ACTA2: variants seen among roughly 807,000 people sequenced by gnomAD.
The protein encoded by ACTA2 is actin alpha 2, smooth muscle.
Under a neutral mutation model 39.5 loss-of-function variants are expected in ACTA2, and 12 were observed. The ratio of observed to expected loss-of-function variants is 0.30; its 90% CI spans 0.19 to 0.49. The LOEUF is 0.49. Ranked by LOEUF, ACTA2 falls within the 20% of genes least tolerant of loss-of-function variation. ACTA2 has a pLI of 0.99. For missense variants in ACTA2, 236 were observed against 498.8 expected (o/e 0.47, Z 5.02); for synonymous variants, 158 against 180.6 (o/e 0.88, Z 1.00).
chr10:88,963,807 C>T (rs558246445), intron 1 of ACTA2, among the ~76,000 whole-genome samples: 1 of 152,236 alleles, frequency 6.6e-6, no homozygotes, highest in South Asian at 2.1e-4. Context: ...TGTAAAGAAC[C>T]AGGATGGGAT....
intron 1 of ACTA2, among the ~76,000 whole-genome samples, chr10:88,962,459 C>T (rs1350145254): frequency 1.3e-5 from 2 of 152,106 alleles, no homozygotes; most frequent in African/African-American, 2.4e-5. Context: ...AGGAGATAGT[C>T]TCAGTTAGGA....
chr10:88,974,417 T>A (rs1352029380), intron 1 of ACTA2: 1 of 152,220 alleles, frequency 6.6e-6, no homozygotes, highest in East Asian at 1.9e-4. Context: ...CCCAATTAGT[T>A]GAAAAATATG....
upstream of ACTA2, among the ~76,000 whole-genome samples, chr10:88,957,148 C>T (rs561443877): frequency 7.2e-5 from 11 of 152,334 alleles, no homozygotes; most frequent in Admixed American, 6.5e-4. Flanking sequence ...TGTAAAGCTA[C>T]ATGCCCATGA....
intron 1 of ACTA2, among the ~76,000 whole-genome samples, chr10:88,986,483 G>A (rs1011682236): frequency 6.6e-6 from 1 of 152,050 alleles, no homozygotes; most frequent in African/African-American, 2.4e-5. Flanking sequence ...TTGCTCAAGA[G>A]GTAGGTTAGT....
intron 1 of ACTA2, among the ~76,000 whole-genome samples, chr10:88,963,787 G>A (rs888334862): frequency 7.2e-5 from 11 of 152,116 alleles, no homozygotes; most frequent in South Asian, 4.1e-4. Flanking sequence ...ACTAATATCC[G>A]TGTTTGGCTT....
rs1476056716 is a variant in ACTA2, at chr10:88,941,834, A to T, written c.405T>A (p.Tyr135Ter). The T allele has an allele frequency of 1.2e-6, 2 of 1,613,276 alleles. No homozygotes were observed. The highest frequency in any genetic ancestry group is 1.7e-6 in the Non-Finnish European group (2 of 1,179,674). ...MFETFNVPAMYVAIQAVLSLY... is the reference protein window; with the variant it reads ...MFETFNVPAM ...GAGACAGCACCGCCTGGATAGCCAC[A>T]TACATGGCTGGGACATTGAAAGTCT... is the stretch of plus-strand genomic sequence containing the variant. Residue 135 changes from tyrosine (Y) to a stop codon, truncating the protein, a stop_gained, in exon 5 of 9, where the codon TAT (tyrosine) becomes TAA (stop). Transcript: ENST00000224784. LOFTEE classifies it high-confidence loss of function.
intron 1 of ACTA2, among the ~76,000 whole-genome samples, chr10:88,960,303 T>C (rs1846205439): frequency 6.6e-6 from 1 of 152,150 alleles, no homozygotes. Context: ...CCACATGACA[T>C]CCAGTTTGAC....
chr10:88,957,257 G>C (rs1288219410), upstream of ACTA2, among the ~76,000 whole-genome samples: 1 of 152,102 alleles, frequency 6.6e-6, no homozygotes, highest in Non-Finnish European at 1.5e-5. Context: ...AGATTCACGA[G>C]GCACCTTCAA....
chr10:88,983,155 A>C (rs981188447), intron 1 of ACTA2, among the ~76,000 whole-genome samples: 1 of 152,152 alleles, frequency 6.6e-6, no homozygotes, highest in African/African-American at 2.4e-5. Context: ...TCTTAATTAG[A>C]TTATCTTTAT....
intron 1 of ACTA2, among the ~76,000 whole-genome samples, chr10:88,969,065 T>C (rs1478329634): frequency 6.6e-6 from 1 of 152,192 alleles, no homozygotes; most frequent in Non-Finnish European, 1.5e-5. Context: ...AGCTGTTATC[T>C]GGGTTGTATT....
At chr10:88,991,317 C>T (rs1589441171) in exon 1 of ACTA2, 2 of 356,172 alleles carry the variant, frequency 5.6e-6, no homozygotes, top group Non-Finnish European at 5.3e-6. Flanking sequence ...CTGGACAAGC[C>T]CTGACAAGCC....
At chr10:88,974,203 T>C (rs1196546587) in intron 1 of ACTA2, 4 of 151,790 alleles carry the variant, frequency 2.6e-5, no homozygotes, top group Admixed American at 6.6e-5. Flanking sequence ...CCCAGAAATA[T>C]ACCCTGACTA....
At chr10:88,949,013 G>A in intron 1 of ACTA2, 60 bp from the exon 2 acceptor site, 1 of 1,579,996 alleles carries the variant, frequency 6.3e-7, no homozygotes, top group Non-Finnish European at 8.6e-7. Flanking sequence ...GCACTTACCT[G>A]ACAACTCCCA....
chr10:88,987,195 A>G (rs139421701), intron 1 of ACTA2, among the ~76,000 whole-genome samples: 8 of 152,384 alleles, frequency 5.2e-5, no homozygotes, highest in African/African-American at 1.9e-4. Context: ...ATCCCTAGAT[A>G]GCAGTCTACA....
intron 1 of ACTA2, among the ~76,000 whole-genome samples, chr10:88,980,250 G>C (rs975793891): frequency 2.6e-5 from 4 of 152,148 alleles, no homozygotes; most frequent in African/African-American, 9.7e-5. Flanking sequence ...AGAAGTCAGG[G>C]CATGAGGTAT....
chr10:88,966,636 G>A (rs1016119670), intron 1 of ACTA2, among the ~76,000 whole-genome samples: 4 of 152,210 alleles, frequency 2.6e-5, no homozygotes, highest in South Asian at 2.1e-4. Context: ...ATTCTGTCCC[G>A]GGAACCATGA....
chr10:88,944,721 G>A (rs551860777), intron 3 of ACTA2, among the ~76,000 whole-genome samples: 149 of 152,344 alleles, frequency 9.8e-4, no homozygotes, highest in Non-Finnish European at 1.8e-3. Flanking sequence ...TGTATAGTGT[G>A]TCTATGTGAA....
At chr10:88,968,808 T>C (rs1205840894) in intron 1 of ACTA2, among the ~76,000 whole-genome samples, 3 of 152,202 alleles carry the variant, frequency 2.0e-5, no homozygotes, top group Non-Finnish European at 4.4e-5. Context: ...AATGTGTGCA[T>C]GTTAAAGAGA....
chr10:88,935,109 C>A lies in ACTA2; in HGVS notation c.*114G>T. ...CCTATTTCAGATTTATTAAAAAACA[C>A]ATAGGTAACGAGTCAGAGCTTTGGC... On this transcript the variant is annotated 3_prime_UTR_variant, in exon 9 of 9. Transcript: ENST00000224784. The A allele has an allele frequency of 6.9e-7, 1 of 1,451,610 alleles. No individual in the cohort carries two copies. 89.9% of individuals were successfully genotyped at this position (1,451,610 alleles called of 1,614,324 possible).
Sources: gnomAD v4.1 joint callset for allele counts (sites outside exome capture counted in the v4.1 genomes callset) on GRCh38, gnomAD v4.1.1 for gene constraint, MANE v1.5 for transcripts, NCBI Gene and HGNC (gene_info 2026-07-23, HGNC 2026-07-21) for gene names.